ST18: variants seen among roughly 807,000 people sequenced by gnomAD.
ST18 encodes the protein suppression of tumorigenicity 18 protein.
ST18 carries 50 observed loss-of-function variants against 110.0 expected under a neutral mutation model. The ratio of observed to expected loss-of-function variants is 0.45; its 90% CI spans 0.36 to 0.58. ST18 has a LOEUF of 0.58. Among genes scored for constraint, ST18 ranks in the 20% least tolerant of loss-of-function variants. ST18 has a pLI of 0.00. For missense variants in ST18, 1,306 were observed against 1,280.1 expected, an observed-to-expected ratio of 1.02 and a Z score of -0.31; for synonymous variants, 461 against 452.4, an observed-to-expected ratio of 1.02 and a Z score of -0.24.
Position 52,382,367 on chromosome 8 carries a change from GA to G in ST18, c.-465+26960del, listed in dbSNP as rs201687315. 1.6e-4 allele frequency among the ~76,000 whole-genome samples: 24 copies of G among 150,934 alleles called. No homozygotes were observed. In the East Asian group the frequency reaches 3.1e-3, roughly 19 times the overall value. ...TTAGTACAGATATGGTTTACTGGCA[GA>G]AAAAAAAATAAGAAGCAAAAATAAA... is the stretch of plus-strand genomic sequence containing the variant. On this transcript the variant is annotated intron_variant, in intron 2 of 25. Transcript: ENST00000689386.
At chr8:52,365,212 T>C (rs1380940468) in intron 2 of ST18, among the ~76,000 whole-genome samples, 1 of 23,780 alleles carries the variant, frequency 4.2e-5, no homozygotes, top group East Asian at 1.6e-3. Context: ...TAAAACCTAA[T>C]GTTTACAAAA....
At chr8:52,213,462 T>TGGGG (rs2082961968) in intron 7 of ST18, among the ~76,000 whole-genome samples, 2 of 36,240 alleles carry the variant, frequency 5.5e-5, no homozygotes, top group Non-Finnish European at 5.2e-5. Context: ...GAGGGTGGGT[T>TGGGG]GGGGTGGGTG....
chr8:52,255,958 C>A (rs2094515147), intron 2 of ST18, among the ~76,000 whole-genome samples: 1 of 152,174 alleles, frequency 6.6e-6, no homozygotes, highest in Non-Finnish European at 1.5e-5. Flanking sequence ...GGCACCTTGA[C>A]CCCCACTCCT....
chr8:52,365,039 C>G (rs889752050), intron 2 of ST18, among the ~76,000 whole-genome samples: 2 of 151,604 alleles, frequency 1.3e-5, no homozygotes, highest in Admixed American at 6.6e-5. Flanking sequence ...GCTTGAACCT[C>G]GGAGGCAGAG....
At chr8:52,182,154 G>A (rs2069957052) in intron 8 of ST18, among the ~76,000 whole-genome samples, 1 of 152,146 alleles carries the variant, frequency 6.6e-6, no homozygotes, top group South Asian at 2.1e-4. Flanking sequence ...GAAAGGAAGT[G>A]GATTCTAAAA....
At chr8:52,340,314 G>A (rs1333024156) in intron 2 of ST18, among the ~76,000 whole-genome samples, 1 of 152,208 alleles carries the variant, frequency 6.6e-6, no homozygotes, top group African/African-American at 2.4e-5. Context: ...TTAAGCCCTG[G>A]CACATTTCAC....
At chr8:52,196,685 C>T (rs976698640) in intron 8 of ST18, among the ~76,000 whole-genome samples, 15 of 152,070 alleles carry the variant, frequency 9.9e-5, no homozygotes, top group South Asian at 2.1e-4. Flanking sequence ...TATGTGCCTA[C>T]GTTATAAATT....
rs2049825211 is a variant in ST18 at position 52,131,997 on chromosome 8, C to G, written c.2627G>C (p.Gly876Ala). ...LPHCPLPGCN[G>A]LGHVNNVFVT... Reference sequence around the variant, plus strand: ...AAAAACATTATTTACATGGCCCAGCCCATTGCAGCCTGGCAAGGGACAATG... The same window carrying G: ...AAAAACATTATTTACATGGCCCAGCGCATTGCAGCCTGGCAAGGGACAATG... Residue 876 changes from glycine (G) to alanine (A), a missense_variant, in exon 22 of 26, where the codon GGG (glycine) becomes GCG (alanine). Gly to Ala is a moderately conservative substitution (Grantham distance 60). Transcript: ENST00000689386. The G allele has an allele frequency of 6.2e-7, 1 of 1,614,096 alleles. No homozygotes were observed.
At chr8:52,194,213 A>T (rs1385461590) in intron 8 of ST18, 1 of 152,198 alleles carries the variant, frequency 6.6e-6, no homozygotes, top group Non-Finnish European at 1.5e-5. Context: ...GTAACAGGAA[A>T]TTTCCTCTGA....
intron 2 of ST18, among the ~76,000 whole-genome samples, chr8:52,401,776 C>A (rs567609906): frequency 6.6e-6 from 1 of 151,892 alleles, no homozygotes; most frequent in South Asian, 2.1e-4. Flanking sequence ...GGTTTAATTC[C>A]TTTTTAAGCA....
intron 19 of ST18, among the ~76,000 whole-genome samples, chr8:52,134,174 T>C (rs778905891): frequency 1.3e-5 from 2 of 152,198 alleles, no homozygotes; most frequent in Non-Finnish European, 2.9e-5. Context: ...CCTCAATAAT[T>C]TGCACCTGGT....
chr8:52,128,776 A>G (rs550469031), intron 22 of ST18, among the ~76,000 whole-genome samples: 1 of 152,282 alleles, frequency 6.6e-6, no homozygotes, highest in Admixed American at 6.5e-5. Flanking sequence ...CCTGTATTCA[A>G]AGCAATTCCA....
At chr8:52,257,974 C>A (rs888849139) in intron 2 of ST18, among the ~76,000 whole-genome samples, 2 of 152,086 alleles carry the variant, frequency 1.3e-5, no homozygotes, top group Non-Finnish European at 2.9e-5. Context: ...AGGTAGAGAT[C>A]CAACTGCATT....
intron 25 of ST18, among the ~76,000 whole-genome samples, chr8:52,114,685 C>G (rs1229260686): frequency 1.3e-5 from 2 of 152,100 alleles, no homozygotes; most frequent in East Asian, 3.9e-4. Context: ...GATGGGAACC[C>G]AGGTAGCACA....
intron 8 of ST18, chr8:52,206,800 T>C (rs534467195): frequency 1.3e-5 from 2 of 152,334 alleles, no homozygotes; most frequent in South Asian, 4.1e-4. Context: ...GTTATGCTAT[T>C]AAATCTCTAA....
intron 2 of ST18, among the ~76,000 whole-genome samples, chr8:52,254,640 G>T (rs989891570): frequency 6.6e-6 from 1 of 152,156 alleles, no homozygotes; most frequent in Non-Finnish European, 1.5e-5. Context: ...TGGCTCAACA[G>T]AGGAGATTCA....
chr8:52,131,048 AAACAGG>A, intron 22 of ST18, among the ~76,000 whole-genome samples: 1 of 152,242 alleles, frequency 6.6e-6, no homozygotes, highest in South Asian at 2.1e-4. Context: ...TTTTCTCCAT[AAACAGG>A]TTTTACTGAA....
chr8:52,203,440 G>A (rs2135571551), intron 8 of ST18, among the ~76,000 whole-genome samples: 1 of 152,236 alleles, frequency 6.6e-6, no homozygotes, highest in Middle Eastern at 3.4e-3. Context: ...TTGTAGTAGA[G>A]TTTTGAGAAT....
intron 2 of ST18, among the ~76,000 whole-genome samples, chr8:52,385,220 T>C (rs943360142): frequency 6.6e-6 from 1 of 152,178 alleles, no homozygotes; most frequent in Non-Finnish European, 1.5e-5. Flanking sequence ...TCGGAAACTC[T>C]TGTCATGGCT....
Sources: gnomAD v4.1 joint callset for allele counts (sites outside exome capture counted in the v4.1 genomes callset) on GRCh38, gnomAD v4.1.1 for gene constraint, MANE v1.5 for transcripts, NCBI Gene and HGNC (gene_info 2026-07-23, HGNC 2026-07-21) for gene names.